Variants in KMT2C observed in about 807,000 individuals in gnomAD.
The protein encoded by KMT2C is histone-lysine N-methyltransferase 2C.
KMT2C carries 88 observed loss-of-function variants against 507.9 expected under a neutral mutation model. That is an observed-to-expected ratio of 0.17 (90% CI 0.15 to 0.21). The LOEUF is 0.21. Among genes scored for constraint, KMT2C ranks in the 10% least tolerant of loss-of-function variants. The pLI is 1.00. For synonymous variants in KMT2C, 2,049 were observed against 2,080.8 expected (o/e 0.98, Z 0.42); for missense variants, 4,954 against 5,957.8 (o/e 0.83, Z 5.55).
chr7:152,208,623 T>C (rs1479519827), intron 23 of KMT2C, among the ~76,000 whole-genome samples: 1 of 152,194 alleles, frequency 6.6e-6, no homozygotes, highest in Non-Finnish European at 1.5e-5. Context: ...ATTTTAACAC[T>C]ATGGTAATCA....
At position 152,146,642 on chromosome 7, in the gene KMT2C, A is replaced by C; in HGVS notation, c.13988T>G (p.Leu4663Arg). The C allele has an allele frequency of 6.2e-7, 1 of 1,614,166 alleles. No individual in the cohort carries two copies. The change falls in exon 53 of 59, where the codon CTG (leucine) becomes CGG (arginine). Residue 4663 changes from leucine (L) to arginine (R), a missense_variant. By Grantham distance (102) the Leu-to-Arg change is moderately radical. Transcript: ENST00000262189. ...LFPAYLKGEDLFGLTVSAVAR... is the reference protein window; with the variant it reads ...LFPAYLKGEDRFGLTVSAVAR... Reference sequence around the variant, plus strand: ...CACTGCAGAGACGGTCAGGCCAAACAGATCCTCTCCTTTTAAATACGCTGG... The same window carrying C: ...CACTGCAGAGACGGTCAGGCCAAACCGATCCTCTCCTTTTAAATACGCTGG...
At position 152,162,572 on chromosome 7, in the gene KMT2C, G is replaced by T; in HGVS notation, c.11005C>A (p.Pro3669Thr). The change falls in exon 43 of 59, where the codon CCC (proline) becomes ACC (threonine). Residue 3669 changes from proline (P) to threonine (T), a missense_variant. Transcript: ENST00000262189. ...CATAGCTGGCCTGCTGCCATATTGG[G>T]AGTGGATGGGCCGACTGGTTCCACC... ...ESVEPVGPST[P>T]NMAAGQLCTE... The T allele has an allele frequency of 6.2e-7, 1 of 1,614,232 alleles. No individual in the cohort carries two copies.
In KMT2C at chr7:152,177,398, T is replaced by C. The variant is rs778155229; in HGVS notation, c.8055A>G (p.Leu2685=). Residue 2685 remains leucine, a synonymous_variant, in exon 38 of 59, where the codon CTA becomes CTG. Coordinates refer to ENST00000262189, the MANE Select transcript of KMT2C (RefSeq NM_170606.3). ...GGTCATCAGAATCAAGTTTTTCCTC[T>C]AGACCATCAGAAGGCTGGGTGGTTA... ...LQITTQPSDG[L]EEKLDSDDPS... 2 of 1,614,242 alleles carry C rather than the reference T, an allele frequency of 1.2e-6. No individual in the cohort carries two copies. Among genetic ancestry groups the C allele is most frequent in the East Asian group, 2.2e-5 (1 of 44,884 alleles).
intron 18 of KMT2C, among the ~76,000 whole-genome samples, chr7:152,227,826 G>A (rs904659787): frequency 1.3e-5 from 2 of 152,218 alleles, no homozygotes; most frequent in African/African-American, 2.4e-5. Flanking sequence ...TTTGTAAGCT[G>A]CACAATTACC....
At chr7:152,387,824 C>T (rs1731207812) in intron 1 of KMT2C, among the ~76,000 whole-genome samples, 1 of 151,774 alleles carries the variant, frequency 6.6e-6, no homozygotes, top group African/African-American at 2.4e-5. Flanking sequence ...TTTTTTTCTA[C>T]ATACATACAC....
At chr7:152,154,742 G>T (rs1277122105) in intron 46 of KMT2C, among the ~76,000 whole-genome samples, 1 of 152,142 alleles carries the variant, frequency 6.6e-6, no homozygotes, top group Non-Finnish European at 1.5e-5. Context: ...GAGCATGAAA[G>T]CACCTTTTCA....
At chr7:152,139,337 C>T in intron 56 of KMT2C, 78 bp from the exon 57 acceptor site, 1 of 1,361,062 alleles carries the variant, frequency 7.3e-7, no homozygotes, top group Non-Finnish European at 1.0e-6. Flanking sequence ...ACCAGGAGGA[C>T]TCAGTCGAAA....
chr7:152,151,390 G>T lies in KMT2C; in HGVS notation c.12666+52C>A. 9 of 1,592,652 alleles carry T rather than the reference G, an allele frequency of 5.7e-6. No individual in the cohort carries two copies. In the South Asian group the frequency reaches 1.0e-4, roughly 18 times the overall value. On this transcript the variant is annotated intron_variant, in intron 50 of 58. Transcript: ENST00000262189. ...TGATGTTGGAAGAGACACTGCCAAG[G>T]ACATTTTCGCTGGAGGTAGGAGGTG...
At position 152,162,562 on chromosome 7, in the gene KMT2C, G is replaced by A. The variant is rs1483692784; in HGVS notation, c.11015C>T (p.Ala3672Val). 1 of 1,614,214 alleles carries A rather than the reference G, an allele frequency of 6.2e-7. No homozygotes were observed. Among genetic ancestry groups the A allele is most frequent in the Admixed American group, 1.7e-5 (1 of 60,028 alleles). ...EPVGPSTPNMAAGQLCTELEN... is the reference protein window; with the variant it reads ...EPVGPSTPNMVAGQLCTELEN... ...TAATTCTGTACATAGCTGGCCTGCT[G>A]CCATATTGGGAGTGGATGGGCCGAC... Residue 3672 changes from alanine (A) to valine (V), a missense_variant, in exon 43 of 59, where the codon GCA becomes GTA. Ala to Val is a moderately conservative substitution (Grantham distance 64, BLOSUM62 0). Coordinates refer to ENST00000262189, the MANE Select transcript of KMT2C (RefSeq NM_170606.3).
At chr7:152,197,324 T>C (rs1192234341) in intron 27 of KMT2C, among the ~76,000 whole-genome samples, 1 of 152,186 alleles carries the variant, frequency 6.6e-6, no homozygotes, top group African/African-American at 2.4e-5. Flanking sequence ...GCTTTAATAA[T>C]TATATTAGTC....
At chr7:152,143,850 T>C (rs1432736153) in intron 55 of KMT2C, among the ~76,000 whole-genome samples, 1 of 152,170 alleles carries the variant, frequency 6.6e-6, no homozygotes, top group Non-Finnish European at 1.5e-5. Flanking sequence ...GGAACGCTGA[T>C]CCAGTTTATA....
rs575716481 is a variant in KMT2C at position 152,164,090 on chromosome 7, T to C, written c.9751-264A>G. ...ATATGAAATATCAAAAACGGTTTAGTAAAATATTAAAATCTTATGGTGAAA... is the reference window on the plus strand; with the variant it reads ...ATATGAAATATCAAAAACGGTTTAGCAAAATATTAAAATCTTATGGTGAAA... On this transcript the variant is annotated intron_variant, in intron 42 of 58. Coordinates refer to ENST00000262189, the MANE Select transcript of KMT2C (RefSeq NM_170606.3). Among the ~76,000 whole-genome samples, 3 of 152,270 alleles carry C rather than the reference T, an allele frequency of 2.0e-5. No individual in the cohort carries two copies. The East Asian group carries it at 5.8e-4, about 29-fold the overall frequency.
At chr7:152,171,404 A>T in intron 39 of KMT2C, 62 bp from the exon 40 acceptor site, 1 of 1,096,634 alleles carries the variant, frequency 9.1e-7, no homozygotes, top group African/African-American at 1.6e-5. Context: ...AATATTAATT[A>T]AAAACTGTAT....
chr7:152,424,114 CA>C (rs1445999712), intron 1 of KMT2C, among the ~76,000 whole-genome samples: 1 of 152,004 alleles, frequency 6.6e-6, no homozygotes, highest in Non-Finnish European at 1.5e-5. Flanking sequence ...ATCCCAAATG[CA>C]TTTTTTTTTT....
At chr7:152,309,507 C>CTTTTTTTTT in intron 6 of KMT2C, among the ~76,000 whole-genome samples, 1 of 87,970 alleles carries the variant, frequency 1.1e-5, no homozygotes, top group Non-Finnish European at 2.1e-5. Context: ...CATAAAATAA[C>CTTTTTTTTT]TTTTTTTTTT....
intron 6 of KMT2C, among the ~76,000 whole-genome samples, chr7:152,294,050 G>A (rs1588975301): frequency 1.4e-5 from 2 of 138,608 alleles, no homozygotes; most frequent in Admixed American, 1.5e-4. Context: ...GGTACTTTTA[G>A]TGAAAAGACA....
In KMT2C at chr7:152,154,678, A is replaced by G. The variant is rs183084247; in HGVS notation, c.11961-233T>C. Among the ~76,000 whole-genome samples, 3 of 152,334 alleles carry G rather than the reference A, an allele frequency of 2.0e-5. No individual in the cohort carries two copies. In the East Asian group the frequency reaches 5.8e-4, roughly 29 times the overall value. ...TCCTTTTAACGAAAGCTTCAGCACC[A>G]AAGTTTGAAGACCTGCCAAAGAGGA... On this transcript the variant is annotated intron_variant, in intron 46 of 58. Transcript: ENST00000262189.
chr7:152,154,283 A>G lies in KMT2C; in HGVS notation c.12123T>C (p.Pro4041=). 1 of 1,614,124 alleles carries G rather than the reference A, an allele frequency of 6.2e-7. No homozygotes were observed. Among genetic ancestry groups the G allele is most frequent in the Non-Finnish European group, 8.5e-7 (1 of 1,179,950 alleles). Residue 4041 remains proline (P), a synonymous_variant, in exon 47 of 59, where the codon CCT becomes CCC. Transcript: ENST00000262189. ...PVPSPIIPIL[P]STAGKSSESR... is the part of the protein sequence containing the mutation. ...TGTTCTTACTTTTCCCAGCAGTGCT[A>G]GGAAGAATTGGAATGATGGGGGACG...
intron 1 of KMT2C, among the ~76,000 whole-genome samples, chr7:152,423,685 C>T (rs2097792783): frequency 6.6e-6 from 1 of 152,142 alleles, no homozygotes; most frequent in South Asian, 2.1e-4. Flanking sequence ...GAAATAAACA[C>T]TCCTGTTCAA....
Sources: gnomAD v4.1 joint callset for allele counts (sites outside exome capture counted in the v4.1 genomes callset) on GRCh38, gnomAD v4.1.1 for gene constraint, MANE v1.5 for transcripts, NCBI Gene and HGNC (gene_info 2026-07-23, HGNC 2026-07-21) for gene names.